Variants in NFATC1 observed in about 807,000 individuals in gnomAD.
The protein encoded by NFATC1 is nuclear factor of activated T-cells, cytoplasmic 1.
NFATC1 carries 22 observed loss-of-function variants against 76.0 expected under a neutral mutation model. The observed-to-expected ratio is 0.29, with a 90% CI of 0.21 to 0.41. The LOEUF is 0.41. Among genes scored for constraint, NFATC1 ranks in the 10% least tolerant of loss-of-function variants. The pLI, the probability that NFATC1 is intolerant of heterozygous loss-of-function variation, is 1.00. For missense variants in NFATC1, 1,357 were observed against 1,337.7 expected, an observed-to-expected ratio of 1.01 and a Z score of -0.23; for synonymous variants, 704 against 613.1, an observed-to-expected ratio of 1.15 and a Z score of -2.19.
chr18:79,501,807 A>T (rs1011189991), intron 9 of NFATC1, among the ~76,000 whole-genome samples: 1 of 152,180 alleles, frequency 6.6e-6, no homozygotes, highest in Non-Finnish European at 1.5e-5. Flanking sequence ...AACTTTAAAG[A>T]AGTTAAGGAC....
chr18:79,519,522 T>TG (rs147055441), intron 9 of NFATC1, among the ~76,000 whole-genome samples: 1 of 151,962 alleles, frequency 6.6e-6, no homozygotes, highest in Admixed American at 6.6e-5. Flanking sequence ...TTTGTAGAGA[T>TG]GGGGGGTGGT....
At chr18:79,443,077 C>T (rs2087046400) in intron 3 of NFATC1, among the ~76,000 whole-genome samples, 1 of 152,170 alleles carries the variant, frequency 6.6e-6, no homozygotes, top group Non-Finnish European at 1.5e-5. Flanking sequence ...TGCAGTTTTT[C>T]AGTCGCGGCT....
intron 6 of NFATC1, among the ~76,000 whole-genome samples, chr18:79,454,298 G>A (rs931655060): frequency 2.6e-5 from 4 of 152,230 alleles, no homozygotes; most frequent in East Asian, 1.9e-4. Flanking sequence ...TCTGGAGTAC[G>A]TAGGAAGCTC....
intron 9 of NFATC1, among the ~76,000 whole-genome samples, chr18:79,512,362 G>A (rs1034918201): frequency 6.6e-5 from 10 of 152,198 alleles, no homozygotes; most frequent in African/African-American, 2.4e-4. Context: ...GTGGAGTTTA[G>A]ACTAAGGCTT....
intron 9 of NFATC1, among the ~76,000 whole-genome samples, chr18:79,503,076 A>T (rs926703338): frequency 4.6e-5 from 7 of 152,236 alleles, no homozygotes; most frequent in Admixed American, 2.0e-4. Context: ...AATGCCCAGC[A>T]TGTGGGGAAG....
At chr18:79,398,264 C>T (rs2085070008) in intron 1 of NFATC1, among the ~76,000 whole-genome samples, 1 of 152,262 alleles carries the variant, frequency 6.6e-6, no homozygotes, top group Admixed American at 6.5e-5. Flanking sequence ...ACACAATGCC[C>T]CACGGGCTGG....
chr18:79,407,980 G>A (rs116072782), intron 1 of NFATC1, among the ~76,000 whole-genome samples: 1,359 of 116,482 alleles, frequency 0.012, 21 homozygotes, highest in African/African-American at 0.036. Flanking sequence ...TGGCTCCATC[G>A]CAGCTCTGTT....
At chr18:79,506,777 C>G (rs1226523384) in intron 9 of NFATC1, among the ~76,000 whole-genome samples, 1 of 152,098 alleles carries the variant, frequency 6.6e-6, no homozygotes, top group Non-Finnish European at 1.5e-5. Context: ...ACTTCTCAGC[C>G]ACTTCCTGCC....
chr18:79,486,258 A>G lies in NFATC1; in HGVS notation c.2103A>G (p.Ile701Met). 6.3e-7 allele frequency: 1 copy of G among 1,597,736 alleles called. No homozygotes were observed. Among genetic ancestry groups the G allele is most frequent in the Non-Finnish European group, 8.6e-7 (1 of 1,169,344 alleles). The change falls in exon 9 of 10, where the codon ATA (isoleucine) becomes ATG (methionine). Residue 701 changes from isoleucine (I) to methionine (M), a missense_variant. Around this residue, in one of 3 missense-constraint regions of NFATC1, gnomAD observed 424 missense variants for 395.4 expected, o/e 1.07. Coordinates refer to ENST00000427363, the MANE Select transcript of NFATC1 (RefSeq NM_001278669.2). ...TTTTCCTTCTCACAGTTCCAATTATAAAAACAGAACCCACTGATGATTATG... is the reference window on the plus strand; with the variant it reads ...TTTTCCTTCTCACAGTTCCAATTATGAAAACAGAACCCACTGATGATTATG... Reference protein sequence around the residue: ...FTYLPANVPIIKTEPTDDYEP... With the variant: ...FTYLPANVPIMKTEPTDDYEP...
intron 9 of NFATC1, among the ~76,000 whole-genome samples, chr18:79,499,189 T>C (rs2089961722): frequency 6.6e-6 from 1 of 152,190 alleles, no homozygotes; most frequent in Non-Finnish European, 1.5e-5. Context: ...ACAATTTGTG[T>C]GACAGTAGCA....
chr18:79,514,141 G>A (rs2090324922), intron 9 of NFATC1, among the ~76,000 whole-genome samples: 2 of 152,136 alleles, frequency 1.3e-5, no homozygotes, highest in Non-Finnish European at 1.5e-5. Context: ...TTGCTGAGAT[G>A]TTTAAAAATC....
At chr18:79,408,939 CCATT>C (rs1409353859) in intron 1 of NFATC1, among the ~76,000 whole-genome samples, 5 of 142,280 alleles carry the variant, frequency 3.5e-5, no homozygotes, top group Non-Finnish European at 6.1e-5. Context: ...CATTCCCTAT[CCATT>C]CATTCATCAT....
At position 79,506,999 on chromosome 18, in the gene NFATC1, C is replaced by T. The variant is rs1000826690; in HGVS notation, c.2782+20062C>T. The stretch of plus-strand genomic sequence containing the variant: ...CCGGACCCATAATCAAAGCCTGATA[C>T]TGGGACAATGGACCCAGCGGCCGGG... On this transcript the variant is annotated intron_variant, in intron 9 of 9. Transcript: ENST00000427363. Among the ~76,000 whole-genome samples, 4 of 152,250 alleles carry T rather than the reference C, an allele frequency of 2.6e-5. No homozygotes were observed. In the East Asian group the frequency reaches 5.8e-4, roughly 22 times the overall value.
At chr18:79,513,114 C>G (rs1466887981) in intron 9 of NFATC1, among the ~76,000 whole-genome samples, 2 of 152,212 alleles carry the variant, frequency 1.3e-5, no homozygotes, top group Non-Finnish European at 2.9e-5. Context: ...AGGAGCACTG[C>G]CAGTATTTTA....
At chr18:79,479,731 TC>T (rs1266303758) in intron 8 of NFATC1, among the ~76,000 whole-genome samples, 1 of 152,204 alleles carries the variant, frequency 6.6e-6, no homozygotes, top group Non-Finnish European at 1.5e-5. Flanking sequence ...TTCTGAAACG[TC>T]CCCTGTGGGT....
chr18:79,521,415 G>T (rs1220890328), intron 9 of NFATC1, among the ~76,000 whole-genome samples: 32 of 98,656 alleles, frequency 3.2e-4, no homozygotes, highest in East Asian at 4.0e-4. Context: ...GTGTGTGGGG[G>T]GCATCCACTG....
chr18:79,485,870 G>A (rs1322776062), intron 8 of NFATC1, among the ~76,000 whole-genome samples: 2 of 152,246 alleles, frequency 1.3e-5, no homozygotes, highest in Non-Finnish European at 2.9e-5. Flanking sequence ...TACCAAATGT[G>A]CAGACATTTA....
chr18:79,414,633 C>T (rs1568931501), intron 2 of NFATC1, among the ~76,000 whole-genome samples: 1 of 152,178 alleles, frequency 6.6e-6, no homozygotes, highest in Non-Finnish European at 1.5e-5. Flanking sequence ...CATTTTAGAG[C>T]TCAGCGGAAT....
intron 9 of NFATC1, among the ~76,000 whole-genome samples, chr18:79,517,212 A>T (rs1053323881): frequency 2.0e-5 from 3 of 152,250 alleles, no homozygotes; most frequent in Non-Finnish European, 4.4e-5. Flanking sequence ...TACCCAAATT[A>T]TTACCCTCTT....
Sources: gnomAD v4.1 joint callset for allele counts (sites outside exome capture counted in the v4.1 genomes callset) on GRCh38, gnomAD v4.1.1 for gene constraint, gnomAD v4.1.1 regional missense constraint, MANE v1.5 for transcripts, NCBI Gene and HGNC (gene_info 2026-07-23, HGNC 2026-07-21) for gene names.